Variants in WWC2 observed in about 807,000 individuals in gnomAD.
WWC2 encodes protein WWC2.
In WWC2, 101 loss-of-function variants were observed where a neutral mutation model predicts 138.5. That is an observed-to-expected ratio of 0.73 (90% CI 0.62 to 0.86). WWC2 has a LOEUF of 0.86. WWC2 is among the 40% of genes least tolerant of loss of function. The probability of loss-of-function intolerance (pLI) is 0.00; values close to 1 mark genes in which losing one functional copy is unlikely to be tolerated. For missense variants in WWC2, 1,420 were observed against 1,419.4 expected, an observed-to-expected ratio of 1.00 and a Z score of -0.01; for synonymous variants, 558 against 538.4, an observed-to-expected ratio of 1.04 and a Z score of -0.50.
chr4:183,267,963 A>T (rs1223553883), intron 14 of WWC2, among the ~76,000 whole-genome samples: 1 of 152,052 alleles, frequency 6.6e-6, no homozygotes, highest in Non-Finnish European at 1.5e-5. Flanking sequence ...AGCAGAAAAG[A>T]TTTTCTTCTG....
At chr4:183,276,972 T>TTATTATTA (rs1737876538) in intron 16 of WWC2, among the ~76,000 whole-genome samples, 1 of 150,286 alleles carries the variant, frequency 6.7e-6, no homozygotes, top group African/African-American at 2.4e-5. Context: ...TCATTTCTTT[T>TTATTATTA]TTATTATTAT....
intron 9 of WWC2, among the ~76,000 whole-genome samples, chr4:183,256,559 C>T (rs181197342): frequency 3.8e-4 from 58 of 152,196 alleles, no homozygotes; most frequent in Non-Finnish European, 6.3e-4. Flanking sequence ...GGGAAGAGAA[C>T]GCCCTTGCCA....
chr4:183,173,183 C>T (rs1029704897), intron 1 of WWC2, among the ~76,000 whole-genome samples: 14 of 151,904 alleles, frequency 9.2e-5, no homozygotes, highest in African/African-American at 3.4e-4. Flanking sequence ...TAGCTGGGAC[C>T]ACAAGCATGT....
chr4:183,104,417 A>T (rs1250359731), intron 1 of WWC2, among the ~76,000 whole-genome samples: 2 of 152,190 alleles, frequency 1.3e-5, no homozygotes, highest in Non-Finnish European at 2.9e-5. Context: ...AACAGAGACA[A>T]CTGACTTTCC....
intron 8 of WWC2, among the ~76,000 whole-genome samples, chr4:183,251,727 C>T (rs575721980): frequency 2.6e-5 from 4 of 152,256 alleles, no homozygotes; most frequent in East Asian, 1.9e-4. Flanking sequence ...GTTGCATTGG[C>T]GTGCCATTTG....
chr4:183,209,343 TCAGCCTCCAGAGTAG>T (rs571752726), intron 4 of WWC2, among the ~76,000 whole-genome samples: 6 of 152,184 alleles, frequency 3.9e-5, no homozygotes, highest in Admixed American at 2.0e-4. Context: ...TTCTCCCGCC[TCAGCCTCCAGAGTAG>T]CTGGGATTAC....
chr4:183,264,596 GCT>G (rs1300467910), intron 11 of WWC2, among the ~76,000 whole-genome samples: 2 of 152,132 alleles, frequency 1.3e-5, no homozygotes, highest in African/African-American at 4.8e-5. Flanking sequence ...GTAGCTAGAA[GCT>G]CTCTCTGTGA....
intron 1 of WWC2, among the ~76,000 whole-genome samples, chr4:183,166,802 T>C (rs1163035048): frequency 6.6e-6 from 1 of 152,186 alleles, no homozygotes; most frequent in Admixed American, 6.5e-5. Context: ...TCAAATACTT[T>C]GGGATCCAGG....
intron 1 of WWC2, among the ~76,000 whole-genome samples, chr4:183,155,478 C>T (rs1052351115): frequency 6.6e-6 from 1 of 151,914 alleles, no homozygotes; most frequent in South Asian, 2.1e-4. Context: ...AGGAGTGTGA[C>T]GTGGAAGGGG....
intron 1 of WWC2, among the ~76,000 whole-genome samples, chr4:183,166,754 A>G (rs971848973): frequency 2.5e-4 from 38 of 152,202 alleles, no homozygotes; most frequent in African/African-American, 8.4e-4. Context: ...TCTAGAATAT[A>G]TAACTAGAAG....
At chr4:183,264,086 G>A (rs75219239) in intron 11 of WWC2, among the ~76,000 whole-genome samples, 1 of 152,174 alleles carries the variant, frequency 6.6e-6, no homozygotes, top group Non-Finnish European at 1.5e-5. Context: ...CTTCACAAAG[G>A]GGGGTGGGCG....
chr4:183,176,642 C>T (rs944716580), intron 1 of WWC2, among the ~76,000 whole-genome samples: 8 of 152,074 alleles, frequency 5.3e-5, no homozygotes, highest in African/African-American at 9.7e-5. Flanking sequence ...AGGCTGGTCT[C>T]GAACTCCTGA....
chr4:183,290,672 A>T (rs1385302906), intron 21 of WWC2, among the ~76,000 whole-genome samples: 1 of 152,272 alleles, frequency 6.6e-6, no homozygotes, highest in Non-Finnish European at 1.5e-5. Flanking sequence ...ATTCATATCC[A>T]TATGTAGTAG....
intron 16 of WWC2, among the ~76,000 whole-genome samples, chr4:183,276,099 T>G (rs1166612668): frequency 2.6e-5 from 4 of 152,168 alleles, no homozygotes; most frequent in Non-Finnish European, 5.9e-5. Flanking sequence ...CCTCTTGTTT[T>G]AAAATCTACT....
Position 183,294,522 on chromosome 4 carries a change from A to T in WWC2, c.3384+4887A>T, listed in dbSNP as rs955748. ...TGTGTGGAGTATTGATGTGTGATGC[A>T]TAAGTAATAGGGGAGCTGTGAAGTT... is the stretch of plus-strand genomic sequence containing the variant. On this transcript the variant is annotated intron_variant, in intron 21 of 22. Coordinates refer to ENST00000403733, the MANE Select transcript of WWC2 (RefSeq NM_024949.6). 2.0e-5 allele frequency among the ~76,000 whole-genome samples: 3 copies of T among 152,038 alleles called. No individual in the cohort carries two copies. The East Asian group carries it at 5.8e-4, about 29-fold the overall frequency.
intron 4 of WWC2, among the ~76,000 whole-genome samples, chr4:183,230,607 G>A (rs944992042): frequency 1.3e-5 from 2 of 152,174 alleles, no homozygotes; most frequent in Admixed American, 6.5e-5. Flanking sequence ...AACCTGGGAG[G>A]CAGAGGTTGC....
At position 183,265,844 on chromosome 4, in the gene WWC2, A is replaced by G. The variant is rs750268395; in HGVS notation, c.2121-21A>G. On this transcript the variant is annotated intron_variant, in intron 13 of 22. Transcript: ENST00000403733. Reference sequence around the variant, plus strand: ...GTGGCCTGTGGTGATTCCTGACTTCATTTAGCCTCTCTTTTGACAGATACA... The same window carrying G: ...GTGGCCTGTGGTGATTCCTGACTTCGTTTAGCCTCTCTTTTGACAGATACA... 11 of 1,611,354 alleles carry G rather than the reference A, an allele frequency of 6.8e-6. No individual in the cohort carries two copies. The East Asian group carries it at 2.5e-4, about 36-fold the overall frequency.
chr4:183,162,582 T>C (rs1307526740), intron 1 of WWC2, among the ~76,000 whole-genome samples: 2 of 152,198 alleles, frequency 1.3e-5, no homozygotes, highest in Non-Finnish European at 2.9e-5. Flanking sequence ...CACCTTGTCC[T>C]CCAGCTGCTC....
chr4:183,188,359 T>C (rs1215593791), intron 1 of WWC2, among the ~76,000 whole-genome samples: 1 of 151,978 alleles, frequency 6.6e-6, no homozygotes. Context: ...TGCCTCAGCC[T>C]CCCGAGTAGC....
Sources: gnomAD v4.1 joint callset for allele counts (sites outside exome capture counted in the v4.1 genomes callset) on GRCh38, gnomAD v4.1.1 for gene constraint, MANE v1.5 for transcripts, NCBI Gene and HGNC (gene_info 2026-07-23, HGNC 2026-07-21) for gene names.